The following AGPAT4 variants were observed in gnomAD, a reference collection of about 807,000 sequenced individuals.
The protein encoded by AGPAT4 is 1-acyl-sn-glycerol-3-phosphate acyltransferase delta.
In AGPAT4, 15 loss-of-function variants were observed where a neutral mutation model predicts 48.0. The ratio of observed to expected loss-of-function variants is 0.31; its 90% confidence interval spans 0.21 to 0.48. The LOEUF (loss-of-function observed/expected upper bound fraction) is 0.48. Ranked by LOEUF, AGPAT4 falls within the 20% of genes least tolerant of loss-of-function variation. The pLI, the probability that AGPAT4 is intolerant of heterozygous loss-of-function variation, is 0.99. For missense variants in AGPAT4, 314 were observed against 482.5 expected, an observed-to-expected ratio of 0.65 and a Z score of 3.27; for synonymous variants, 178 against 198.7, an observed-to-expected ratio of 0.90 and a Z score of 0.88.
At position 161,246,762 on chromosome 6, in the gene AGPAT4, C is replaced by T. The variant is rs1265241118; in HGVS notation, c.-89-14460G>A. ...ACTTACTGAGTAATATACCCTGGGCCGGGATGACTTCCACCCCTTCCACTT... is the reference window on the plus strand; with the variant it reads ...ACTTACTGAGTAATATACCCTGGGCTGGGATGACTTCCACCCCTTCCACTT... On this transcript the variant is annotated intron_variant, in intron 1 of 8. Coordinates refer to ENST00000320285, the MANE Select transcript of AGPAT4 (RefSeq NM_020133.3). The surrounding 1 kb of genome is among the most constrained non-coding windows in gnomAD (Gnocchi z 5.5). Among the ~76,000 whole-genome samples the T allele has an allele frequency of 4.6e-5, 7 of 152,086 alleles. No homozygotes were observed. Among genetic ancestry groups the T allele is most frequent in the Non-Finnish European group, 1.0e-4 (7 of 68,004 alleles).
rs1414275395 is a variant in AGPAT4 at position 161,262,331 on chromosome 6, G to T, written c.-90+11607C>A. 1.3e-5 allele frequency among the ~76,000 whole-genome samples: 2 copies of T among 152,156 alleles called. No homozygotes were observed. Among genetic ancestry groups the T allele is most frequent in the East Asian group, 3.9e-4 (2 of 5,186 alleles). On this transcript the variant is annotated intron_variant, in intron 1 of 8. Transcript: ENST00000320285. This position sits in a 1 kb window ranked among gnomAD's most constrained non-coding sequence, Gnocchi z 4.9. Reference sequence around the variant, plus strand: ...AACATGGGTTAGACTCTGCTGCCAGGACCTGAAAAGCGTGATGGAGCTGCA... The same window carrying T: ...AACATGGGTTAGACTCTGCTGCCAGTACCTGAAAAGCGTGATGGAGCTGCA...
At chr6:161,268,297 C>A (rs1783321912) in intron 1 of AGPAT4, among the ~76,000 whole-genome samples, 1 of 152,164 alleles carries the variant, frequency 6.6e-6, no homozygotes, top group Non-Finnish European at 1.5e-5. Flanking sequence ...GGTTACCTGG[C>A]ATAAACTAGA....
rs374767306 is a variant in AGPAT4, at chr6:161,149,317, A to C, written c.665-28T>G. ...ATAAAAAATAAAACAAATACAAAGC[A>C]GTATATAGCGTGTGAACCCAATTTT... On this transcript the variant is annotated intron_variant, in intron 5 of 8. Transcript: ENST00000320285. This position sits in a 1 kb window ranked among gnomAD's most constrained non-coding sequence, Gnocchi z 6.5. The C allele has an allele frequency of 1.4e-4, 220 of 1,590,272 alleles. No homozygotes were observed. Among genetic ancestry groups the C allele is most frequent in the Non-Finnish European group, 1.7e-4 (199 of 1,173,252 alleles).
Position 161,139,580 on chromosome 6 carries a change from G to T in AGPAT4, c.884C>A (p.Pro295Gln), listed in dbSNP as rs1419259430. Reference sequence around the variant, plus strand: ...CCGGGGGGGCACCATGGGCGTCTCTGGGAAGGTGCCCGTCCTGTAGTACTC... The same window carrying T: ...CCGGGGGGGCACCATGGGCGTCTCTTGGAAGGTGCCCGTCCTGTAGTACTC... ...QEEYYRTGTF[P>Q]ETPMVPPRRP... is the part of the protein sequence containing the mutation. The change falls in exon 8 of 9, where the codon CCA (proline) becomes CAA (glutamine). Residue 295 changes from proline (P) to glutamine (Q), a missense_variant. By Grantham distance (76) the Pro-to-Gln change is moderately conservative (BLOSUM62 -1). Transcript: ENST00000320285. The surrounding 1 kb of genome is among the most constrained non-coding windows in gnomAD (Gnocchi z 9.1). The T allele has an allele frequency of 6.2e-7, 1 of 1,613,792 alleles. No homozygotes were observed. The highest frequency in any genetic ancestry group is 1.7e-5 in the Admixed American group (1 of 60,012).
chr6:161,258,309 T>C (rs1488161657), intron 1 of AGPAT4, among the ~76,000 whole-genome samples: 2 of 152,194 alleles, frequency 1.3e-5, no homozygotes, highest in Non-Finnish European at 2.9e-5. Flanking sequence ...GGCTGTTCTA[T>C]CCTTTCCCAT....
intron 2 of AGPAT4, among the ~76,000 whole-genome samples, chr6:161,175,012 T>C (rs1177569638): frequency 1.3e-5 from 2 of 152,196 alleles, no homozygotes; most frequent in Non-Finnish European, 2.9e-5. Context: ...TTGATCGTGG[T>C]GGATAAGCTT....
chr6:161,211,530 G>T (rs1781522326), intron 2 of AGPAT4, among the ~76,000 whole-genome samples: 1 of 152,032 alleles, frequency 6.6e-6, no homozygotes. Flanking sequence ...TAGTCCTAGA[G>T]TAAAATGACT....
intron 7 of AGPAT4, among the ~76,000 whole-genome samples, chr6:161,145,172 G>A (rs2114957309): frequency 6.6e-6 from 1 of 151,648 alleles, no homozygotes; most frequent in South Asian, 2.1e-4. Context: ...TTGTTAAAAA[G>A]CTTCAGGCCT....
rs1374403203 is a variant in AGPAT4 at position 161,217,745 on chromosome 6, C to G, written c.178+14291G>C. Among the ~76,000 whole-genome samples the G allele has an allele frequency of 6.6e-6, 1 of 152,202 alleles. No homozygotes were observed. Among genetic ancestry groups the G allele is most frequent in the Non-Finnish European group, 1.5e-5 (1 of 68,026 alleles). On this transcript the variant is annotated intron_variant, in intron 2 of 8. Transcript: ENST00000320285. The surrounding 1 kb of genome is among the most constrained non-coding windows in gnomAD (Gnocchi z 4.9). ...GGCATATTCAGAAATCCTCAAAGCC[C>G]TGGAATTGGATCAGGGAGTCCAGCC...
rs1183318302 is a variant in AGPAT4, at chr6:161,229,537, G to A, written c.178+2499C>T. 6.6e-6 allele frequency among the ~76,000 whole-genome samples: 1 copy of A among 152,068 alleles called. No individual in the cohort carries two copies. The highest frequency in any genetic ancestry group is 6.5e-5 in the Admixed American group (1 of 15,278). The stretch of plus-strand genomic sequence containing the variant: ...ACAGAGGAAGTCTGTCAATTATTTA[G>A]AGCAAGGAAAAGGAACCAGGAAAAG... On this transcript the variant is annotated intron_variant, in intron 2 of 8. Transcript: ENST00000320285. This position sits in a 1 kb window ranked among gnomAD's most constrained non-coding sequence, Gnocchi z 6.0.
In AGPAT4 at chr6:161,220,530, A is replaced by G. The variant is rs1402075012; in HGVS notation, c.178+11506T>C. 2.0e-5 allele frequency among the ~76,000 whole-genome samples: 3 copies of G among 152,306 alleles called. No individual in the cohort carries two copies. The highest frequency in any genetic ancestry group is 4.8e-5 in the African/African-American group (2 of 41,562). On this transcript the variant is annotated intron_variant, in intron 2 of 8. Transcript: ENST00000320285. The surrounding 1 kb of genome is among the most constrained non-coding windows in gnomAD (Gnocchi z 6.0). ...GATGACTTCATTTTATAGTTCCTCAAGCAGAGCAAGTAGAGGAACCAAAGA... is the reference window on the plus strand; with the variant it reads ...GATGACTTCATTTTATAGTTCCTCAGGCAGAGCAAGTAGAGGAACCAAAGA...
At position 161,166,163 on chromosome 6, in the gene AGPAT4, T is replaced by G. The variant is rs886464350; in HGVS notation, c.348+85A>C. ...AAACTCTGTTGATTCTTCTGCAAGTTCTGAATGACCAGGAGCAAAAAGACA... is the reference window on the plus strand; with the variant it reads ...AAACTCTGTTGATTCTTCTGCAAGTGCTGAATGACCAGGAGCAAAAAGACA... On this transcript the variant is annotated intron_variant, in intron 3 of 8. Transcript: ENST00000320285. The surrounding 1 kb of genome is among the most constrained non-coding windows in gnomAD (Gnocchi z 6.7). 6.6e-6 allele frequency: 10 copies of G among 1,519,392 alleles called. No individual in the cohort carries two copies. Among genetic ancestry groups the G allele is most frequent in the Non-Finnish European group, 9.0e-6 (10 of 1,116,528 alleles). 94.1% of individuals were successfully genotyped at this position (1,519,392 alleles called of 1,614,324 possible).
intron 5 of AGPAT4, among the ~76,000 whole-genome samples, chr6:161,150,755 C>T (rs953242572): frequency 6.6e-6 from 1 of 152,158 alleles, no homozygotes; most frequent in Non-Finnish European, 1.5e-5. Context: ...TGGGAGAGAA[C>T]CTGGATGCTT....
chr6:161,185,737 A>G (rs1406924560), intron 2 of AGPAT4, among the ~76,000 whole-genome samples: 2 of 152,184 alleles, frequency 1.3e-5, no homozygotes, highest in Non-Finnish European at 2.9e-5. Flanking sequence ...CAGAGGCATC[A>G]CCCGAAACCT....
At chr6:161,268,490 G>A (rs1192625415) in intron 1 of AGPAT4, among the ~76,000 whole-genome samples, 3 of 152,286 alleles carry the variant, frequency 2.0e-5, no homozygotes, top group African/African-American at 7.2e-5. Flanking sequence ...CCTGGTGTGT[G>A]TTGTTCCCCT....
chr6:161,225,039 C>G lies in AGPAT4; in HGVS notation c.178+6997G>C, dbSNP rs967473358. The stretch of plus-strand genomic sequence containing the variant: ...CTTCACCCTGACTCCTTCCAACTAC[C>G]TGCTCCACCCTGACTCATTCCGATT... On this transcript the variant is annotated intron_variant, in intron 2 of 8. Transcript: ENST00000320285. This position sits in a 1 kb window ranked among gnomAD's most constrained non-coding sequence, Gnocchi z 5.0. Among the ~76,000 whole-genome samples the G allele has an allele frequency of 6.6e-6, 1 of 152,022 alleles. No individual in the cohort carries two copies. The highest frequency in any genetic ancestry group is 1.5e-5 in the Non-Finnish European group (1 of 67,966).
At position 161,218,064 on chromosome 6, in the gene AGPAT4, T is replaced by C. The variant is rs1781704420; in HGVS notation, c.178+13972A>G. ...CGGGAATGCCCTGTGATGGCTGGTG[T>C]CTGTGTCTGATGAGTTGGTGCCTTG... On this transcript the variant is annotated intron_variant, in intron 2 of 8. Coordinates refer to ENST00000320285, the MANE Select transcript of AGPAT4 (RefSeq NM_020133.3). This position sits in a 1 kb window ranked among gnomAD's most constrained non-coding sequence, Gnocchi z 4.7. 6.6e-6 allele frequency among the ~76,000 whole-genome samples: 1 copy of C among 152,248 alleles called. No homozygotes were observed. Among genetic ancestry groups the C allele is most frequent in the East Asian group, 1.9e-4 (1 of 5,198 alleles).
Position 161,204,275 on chromosome 6 carries a change from T to C in AGPAT4, c.178+27761A>G, listed in dbSNP as rs865831253. On this transcript the variant is annotated intron_variant, in intron 2 of 8. Transcript: ENST00000320285. This position sits in a 1 kb window ranked among gnomAD's most constrained non-coding sequence, Gnocchi z 4.4. ...TCTTTCTATATAAAGGTAGTGTATA[T>C]GTTAAATATGTCTGAAATTTGAGGA... Among the ~76,000 whole-genome samples, 3 of 152,250 alleles carry C rather than the reference T, an allele frequency of 2.0e-5. No individual in the cohort carries two copies. Among genetic ancestry groups the C allele is most frequent in the Non-Finnish European group, 2.9e-5 (2 of 68,044 alleles).
Position 161,154,870 on chromosome 6 carries a change from G to A in AGPAT4, c.349-560C>T, listed in dbSNP as rs1205202389. 6.6e-6 allele frequency among the ~76,000 whole-genome samples: 1 copy of A among 152,254 alleles called. No individual in the cohort carries two copies. Among genetic ancestry groups the A allele is most frequent in the African/African-American group, 2.4e-5 (1 of 41,470 alleles). ...ATTCATTTGAATCCGATTTTTCCGA[G>A]ACAGCTCAACTCACTCTGCTGAGCT... On this transcript the variant is annotated intron_variant, in intron 3 of 8. Transcript: ENST00000320285. This position sits in a 1 kb window ranked among gnomAD's most constrained non-coding sequence, Gnocchi z 7.8.
Sources: gnomAD v4.1 joint callset for allele counts (sites outside exome capture counted in the v4.1 genomes callset) on GRCh38, gnomAD v4.1.1 for gene constraint, Gnocchi (gnomAD v3.1) non-coding constraint, MANE v1.5 for transcripts, NCBI Gene and HGNC (gene_info 2026-07-23, HGNC 2026-07-21) for gene names.